TMEM108: variants seen among roughly 807,000 people sequenced by gnomAD.
TMEM108 encodes cancer/testis antigen 124.
Under a neutral mutation model 35.1 loss-of-function variants are expected in TMEM108, and 12 were observed. The ratio of observed to expected loss-of-function variants is 0.34; its 90% CI spans 0.22 to 0.55. The LOEUF (loss-of-function observed/expected upper bound fraction) is 0.55, where lower values mean the gene tolerates loss of function less well. TMEM108 is among the 20% of genes least tolerant of loss of function. The pLI is 0.89. For synonymous variants in TMEM108, 287 were observed against 308.6 expected (o/e 0.93, Z 0.73); for missense variants, 680 against 753.3 (o/e 0.90, Z 1.14).
chr3:133,076,974 T>G (rs1943749762), intron 2 of TMEM108, among the ~76,000 whole-genome samples: 3 of 152,254 alleles, frequency 2.0e-5, no homozygotes, highest in Non-Finnish European at 4.4e-5. Context: ...GACAGCACTC[T>G]GAGCTGGGAG....
In TMEM108 at chr3:133,397,513, T is replaced by C. The variant is rs1345424053; in HGVS notation, c.*1527T>C. The C allele has an allele frequency of 6.6e-6, 1 of 152,190 alleles. No homozygotes were observed. Among genetic ancestry groups the C allele is most frequent in the East Asian group, 1.9e-4 (1 of 5,198 alleles). The allele number at this position is 152,190 out of a possible 1,614,324, so 9.4% of individuals were successfully genotyped here. On this transcript the variant is annotated 3_prime_UTR_variant, in exon 6 of 6. Transcript: ENST00000321871. ...ACCCACAAAGAAGCAACTAAATGTT[T>C]CTCTAAGTTTAATTTTCTAGCGTGT...
At position 133,307,441 on chromosome 3, in the gene TMEM108, T is replaced by C. The variant is rs527770950; in HGVS notation, c.41-72311T>C. Among the ~76,000 whole-genome samples, 24 of 152,330 alleles carry C rather than the reference T, an allele frequency of 1.6e-4. No homozygotes were observed. The South Asian group carries it at 5.0e-3, about 32-fold the overall frequency. ...TTTTGGTCTTTTAGACATGAAGTCC[T>C]TGCCCATGCCTGTGTCCTGAATGGT... On this transcript the variant is annotated intron_variant, in intron 3 of 5. Coordinates refer to ENST00000321871, the MANE Select transcript of TMEM108 (RefSeq NM_023943.4).
At chr3:133,218,490 A>G (rs1378420890) in intron 2 of TMEM108, among the ~76,000 whole-genome samples, 1 of 151,960 alleles carries the variant, frequency 6.6e-6, no homozygotes, top group Non-Finnish European at 1.5e-5. Context: ...ATCTTAAAGG[A>G]AAAGCTTTCA....
chr3:133,239,990 G>A (rs1258174550), intron 3 of TMEM108, among the ~76,000 whole-genome samples: 5 of 152,296 alleles, frequency 3.3e-5, no homozygotes, highest in African/African-American at 7.2e-5. Flanking sequence ...AGAATGAGAA[G>A]GGCACAAGGA....
chr3:133,145,335 GGCC>G (rs1275066270), intron 2 of TMEM108, among the ~76,000 whole-genome samples: 5 of 152,002 alleles, frequency 3.3e-5, no homozygotes, highest in Non-Finnish European at 7.4e-5. Context: ...ATCTGTTTTG[GGCC>G]AGTAACATGC....
chr3:133,137,821 T>C (rs1224299319), intron 2 of TMEM108, among the ~76,000 whole-genome samples: 1 of 152,188 alleles, frequency 6.6e-6, no homozygotes, highest in Non-Finnish European at 1.5e-5. Context: ...AAAGGTTGTC[T>C]TGGGAGCAGG....
chr3:133,309,935 C>T (rs1198616047), intron 3 of TMEM108, among the ~76,000 whole-genome samples: 1 of 151,940 alleles, frequency 6.6e-6, no homozygotes, highest in African/African-American at 2.4e-5. Context: ...CTCCTGACCT[C>T]GTGATCCACC....
At chr3:133,154,314 T>C (rs1293861781) in intron 2 of TMEM108, among the ~76,000 whole-genome samples, 3 of 152,054 alleles carry the variant, frequency 2.0e-5, no homozygotes, top group African/African-American at 7.2e-5. Context: ...TTTGTCAATT[T>C]TGGCTTTTGT....
At chr3:133,055,785 A>G (rs1459154502) in intron 2 of TMEM108, among the ~76,000 whole-genome samples, 1 of 152,208 alleles carries the variant, frequency 6.6e-6, no homozygotes, top group Admixed American at 6.5e-5. Flanking sequence ...AGGGCCCATC[A>G]CAGACAAGGA....
chr3:133,165,591 TA>T (rs1401344020), intron 2 of TMEM108, among the ~76,000 whole-genome samples: 4 of 152,218 alleles, frequency 2.6e-5, no homozygotes, highest in Non-Finnish European at 5.9e-5. Context: ...TTTGGCACCT[TA>T]AAAAACACAC....
chr3:133,203,560 T>G (rs1945704174), intron 2 of TMEM108, among the ~76,000 whole-genome samples: 1 of 152,202 alleles, frequency 6.6e-6, no homozygotes, highest in South Asian at 2.1e-4. Context: ...AATCATGTGG[T>G]TTTTGTCATT....
chr3:133,386,589 C>T, intron 4 of TMEM108: 1 of 1,461,340 alleles, frequency 6.8e-7, no homozygotes. Context: ...ATTCCCAACT[C>T]TGTTTTAAAA....
chr3:133,391,079 T>TA (rs2073228686), intron 5 of TMEM108, among the ~76,000 whole-genome samples: 1 of 152,164 alleles, frequency 6.6e-6, no homozygotes, highest in Non-Finnish European at 1.5e-5. Flanking sequence ...GACACAGCCT[T>TA]AATGGGGTAT....
chr3:133,181,858 T>G (rs116180487), intron 2 of TMEM108, among the ~76,000 whole-genome samples: 1,813 of 152,310 alleles, frequency 0.012, 41 homozygotes, highest in African/African-American at 0.041. Flanking sequence ...ACCAAATAGC[T>G]TAATGTGATT....
At chr3:133,279,624 C>A (rs1365382700) in intron 3 of TMEM108, among the ~76,000 whole-genome samples, 4 of 152,216 alleles carry the variant, frequency 2.6e-5, no homozygotes, top group African/African-American at 9.6e-5. Flanking sequence ...TCATTCCCAG[C>A]AGCCATGTAC....
intron 3 of TMEM108, among the ~76,000 whole-genome samples, chr3:133,275,275 A>C (rs1239357041): frequency 7.9e-5 from 12 of 152,212 alleles, no homozygotes; most frequent in Non-Finnish European, 2.9e-5. Context: ...GGAATCACAT[A>C]TGTAATTCTT....
chr3:133,292,135 G>A (rs536735849), intron 3 of TMEM108, among the ~76,000 whole-genome samples: 1 of 150,432 alleles, frequency 6.6e-6, no homozygotes, highest in South Asian at 2.1e-4. Flanking sequence ...TTGCGTAGAA[G>A]TTTACCAGAT....
At chr3:133,196,720 T>C (rs1419301955) in intron 2 of TMEM108, among the ~76,000 whole-genome samples, 2 of 152,238 alleles carry the variant, frequency 1.3e-5, no homozygotes, top group African/African-American at 2.4e-5. Flanking sequence ...TCAGGGCTGC[T>C]GAGTCAGCTC....
chr3:133,254,762 T>C (rs1322023612), intron 3 of TMEM108, among the ~76,000 whole-genome samples: 5 of 152,184 alleles, frequency 3.3e-5, no homozygotes, highest in Non-Finnish European at 5.9e-5. Flanking sequence ...AACAACCATG[T>C]ATTATGCTCA....
Sources: gnomAD v4.1 joint callset for allele counts (sites outside exome capture counted in the v4.1 genomes callset) on GRCh38, gnomAD v4.1.1 for gene constraint, MANE v1.5 for transcripts, NCBI Gene and HGNC (gene_info 2026-07-23, HGNC 2026-07-21) for gene names.